Variants in DNAH8 observed in about 807,000 individuals in gnomAD.
The protein encoded by DNAH8 is axonemal beta dynein heavy chain 8.
In DNAH8, 382 loss-of-function variants were observed where a neutral mutation model predicts 562.1. The ratio of observed to expected loss-of-function variants is 0.68; its 90% CI spans 0.63 to 0.74. The LOEUF is 0.74. Ranked by LOEUF, DNAH8 falls within the 30% of genes least tolerant of loss-of-function variation. The pLI is 0.00. For synonymous variants in DNAH8, 1,881 were observed against 1,919.4 expected, an observed-to-expected ratio of 0.98 and a Z score of 0.52; for missense variants, 5,203 against 5,620.4, an observed-to-expected ratio of 0.93 and a Z score of 2.37.
intron 88 of DNAH8, among the ~76,000 whole-genome samples, chr6:39,007,809 G>A (rs984393154): frequency 1.3e-5 from 2 of 150,522 alleles, no homozygotes; most frequent in South Asian, 2.1e-4. Context: ...ACCCCACTGC[G>A]TGGCTGACCT....
chr6:38,802,754 G>A (rs1562837105), intron 21 of DNAH8, among the ~76,000 whole-genome samples: 1 of 152,152 alleles, frequency 6.6e-6, no homozygotes, highest in East Asian at 1.9e-4. Context: ...TTAAATTGAT[G>A]CCTGTTATAC....
chr6:38,868,032 C>T, intron 47 of DNAH8, 30 bp from the exon 48 acceptor site: 1 of 1,596,066 alleles, frequency 6.3e-7, no homozygotes, highest in South Asian at 1.1e-5. Context: ...TTCAATTAAA[C>T]CATCTTTTTG....
intron 75 of DNAH8, 109 bp downstream of exon 75, chr6:38,929,775 T>A: frequency 9.6e-7 from 1 of 1,044,148 alleles, no homozygotes; most frequent in Non-Finnish European, 1.3e-6. Context: ...GACATCTACT[T>A]ATCTTATTGA....
Position 38,932,004 on chromosome 6 carries a change from T to A in DNAH8, c.11457+11T>A. 2.6e-6 allele frequency: 4 copies of A among 1,522,932 alleles called. No individual in the cohort carries two copies. Among genetic ancestry groups the A allele is most frequent in the Non-Finnish European group, 3.5e-6 (4 of 1,135,406 alleles). 94.3% of individuals were successfully genotyped at this position (1,522,932 alleles called of 1,614,324 possible). A position where few individuals can be genotyped will look rare whatever the true frequency, so the allele number is the denominator to read the frequency against. ...CTAACAGAGAAACAGGTAATCTCTC[T>A]CTCAAGGTAAAGAATTTCTGCTTAT... On this transcript the variant is annotated intron_variant, in intron 76 of 92. Transcript: ENST00000327475.
At chr6:38,915,759 T>G (rs1781263079) in intron 68 of DNAH8, among the ~76,000 whole-genome samples, 1 of 152,090 alleles carries the variant, frequency 6.6e-6, no homozygotes, top group African/African-American at 2.4e-5. Flanking sequence ...AGTCCTGAGC[T>G]AGACATCCAC....
Position 38,845,736 on chromosome 6 carries a change from G to C in DNAH8, c.5008G>C (p.Asp1670His). 1 of 1,613,862 alleles carries C rather than the reference G, an allele frequency of 6.2e-7. No individual in the cohort carries two copies. Among genetic ancestry groups the C allele is most frequent in the Non-Finnish European group, 8.5e-7 (1 of 1,179,850 alleles). Reference sequence around the variant, plus strand: ...GGGAGAAATTATCACTTTGATGGAGGATAGTTTAATGGTCTTAGGGTCTTT... The same window carrying C: ...GGGAGAAATTATCACTTTGATGGAGCATAGTTTAATGGTCTTAGGGTCTTT... ...ESGEIITLME[D>H]SLMVLGSLLS... Residue 1670 changes from aspartate to histidine, a missense_variant, in exon 36 of 93, where the codon GAT (aspartate) becomes CAT (histidine). Transcript: ENST00000327475.
intron 80 of DNAH8, 80 bp downstream of exon 80, chr6:38,945,668 G>A: frequency 6.3e-7 from 1 of 1,576,260 alleles, no homozygotes; most frequent in South Asian, 1.1e-5. Context: ...GGGCTTCCTG[G>A]CAGCAATTCC....
At chr6:38,829,959 A>G (rs745311524) in intron 30 of DNAH8, among the ~76,000 whole-genome samples, 3 of 152,050 alleles carry the variant, frequency 2.0e-5, no homozygotes, top group Non-Finnish European at 4.4e-5. Flanking sequence ...TTGTGTCTTT[A>G]TAGTCCTTTC....
intron 1 of DNAH8, among the ~76,000 whole-genome samples, chr6:38,718,337 TA>T (rs1223689140): frequency 6.6e-6 from 1 of 150,536 alleles, no homozygotes; most frequent in Non-Finnish European, 1.5e-5. Flanking sequence ...TTCCTCTATA[TA>T]AAGTAGTTGC....
intron 61 of DNAH8, among the ~76,000 whole-genome samples, chr6:38,898,858 C>T (rs1779882477): frequency 6.6e-6 from 1 of 151,828 alleles, no homozygotes; most frequent in Non-Finnish European, 1.5e-5. Flanking sequence ...AGAGGTAACA[C>T]GAAAAAGGGG....
rs777716725 is a variant in DNAH8, at chr6:38,853,148, T to C, written c.5572-38T>C. On this transcript the variant is annotated intron_variant, in intron 40 of 92. Coordinates refer to ENST00000327475, the MANE Select transcript of DNAH8 (RefSeq NM_001206927.2). ...TGGAACGTCTGTAAAAATGCCAAAT[T>C]ATTATCAATTTATAATATCCTTGTA... 7 of 1,547,990 alleles carry C rather than the reference T, an allele frequency of 4.5e-6. No homozygotes were observed. In the South Asian group the frequency reaches 8.4e-5, roughly 19 times the overall value.
In DNAH8 at chr6:38,908,001, G is replaced by T; in HGVS notation, c.9394G>T (p.Gly3132Cys). 1 of 1,611,480 alleles carries T rather than the reference G, an allele frequency of 6.2e-7. No individual in the cohort carries two copies. Among genetic ancestry groups the T allele is most frequent in the Non-Finnish European group, 8.5e-7 (1 of 1,179,016 alleles). The change falls in exon 64 of 93, where the codon GGT becomes TGT. Residue 3132 changes from glycine to cysteine, a missense_variant. Transcript: ENST00000327475. ...ARDEMDEITQ[G>C]LISVMKRELP... ...AGATGAGATGGATGAAATCACCCAA[G>T]GTCTGATTTCAGTGATGAAGAGGGA... is the stretch of plus-strand genomic sequence containing the variant.
intron 42 of DNAH8, among the ~76,000 whole-genome samples, chr6:38,858,540 C>T (rs575938686): frequency 6.6e-6 from 1 of 152,308 alleles, no homozygotes; most frequent in East Asian, 1.9e-4. Context: ...CAAAGTATTA[C>T]ATGCTGACCA....
chr6:38,864,887 G>A (rs373706407), intron 45 of DNAH8, among the ~76,000 whole-genome samples: 12 of 152,316 alleles, frequency 7.9e-5, no homozygotes, highest in African/African-American at 2.9e-4. Context: ...AGAAGAAGTT[G>A]TTGTCTCTCT....
At chr6:38,919,061 G>A (rs1039291046) in intron 70 of DNAH8, among the ~76,000 whole-genome samples, 1 of 151,626 alleles carries the variant, frequency 6.6e-6, no homozygotes, top group Non-Finnish European at 1.5e-5. Context: ...GATACTAAGG[G>A]AGAAATCTTA....
chr6:39,007,463 A>T (rs1765869140), intron 88 of DNAH8, among the ~76,000 whole-genome samples: 1 of 152,254 alleles, frequency 6.6e-6, no homozygotes, highest in Non-Finnish European at 1.5e-5. Flanking sequence ...ATTAGCAAAC[A>T]AAACAATAAT....
chr6:38,810,282 A>G (rs1343801185), intron 24 of DNAH8, among the ~76,000 whole-genome samples: 1 of 152,158 alleles, frequency 6.6e-6, no homozygotes, highest in Admixed American at 6.5e-5. Context: ...TAGAATGCAC[A>G]TATTTTGCTC....
chr6:38,949,793 G>T (rs1188509630), intron 81 of DNAH8, among the ~76,000 whole-genome samples: 1 of 152,204 alleles, frequency 6.6e-6, no homozygotes, highest in Non-Finnish European at 1.5e-5. Context: ...ATAAAATGGT[G>T]ATGGTGACAG....
At chr6:38,983,744 T>C (rs531588984) in intron 86 of DNAH8, among the ~76,000 whole-genome samples, 11 of 152,324 alleles carry the variant, frequency 7.2e-5, no homozygotes, top group Admixed American at 4.6e-4. Flanking sequence ...GAGGATTGCA[T>C]TGAGGAAAAA....
Sources: allele counts gnomAD v4.1 joint callset (sites outside exome capture counted in the v4.1 genomes callset), GRCh38; gene constraint gnomAD v4.1.1; transcripts MANE v1.5; gene names NCBI Gene and HGNC (gene_info 2026-07-23, HGNC 2026-07-21).